The following AGBL3 variants were observed in gnomAD, a reference collection of about 807,000 sequenced individuals.
AGBL3 encodes AGBL carboxypeptidase 3.
AGBL3 carries 68 observed loss-of-function variants against 94.5 expected under a neutral mutation model. The observed-to-expected ratio is 0.72, with a 90% CI of 0.59 to 0.88. AGBL3 has a LOEUF of 0.88. AGBL3 is among the 40% of genes least tolerant of loss of function. AGBL3 has a pLI of 0.00. For synonymous variants in AGBL3, 354 were observed against 370.7 expected, an observed-to-expected ratio of 0.95 and a Z score of 0.52; for missense variants, 934 against 1,103.8, an observed-to-expected ratio of 0.85 and a Z score of 2.18.
At chr7:135,114,122 C>A (rs1585195277) in intron 15 of AGBL3, among the ~76,000 whole-genome samples, 1 of 152,348 alleles carries the variant, frequency 6.6e-6, no homozygotes, top group East Asian at 1.9e-4. Context: ...GTGTTGCTTA[C>A]ACTGTTGGCT....
chr7:135,026,083 C>T (rs1328714733), intron 5 of AGBL3, among the ~76,000 whole-genome samples: 1 of 151,216 alleles, frequency 6.6e-6, no homozygotes, highest in Non-Finnish European at 1.5e-5. Context: ...ATAGAACACC[C>T]AGCAACCACA....
intron 16 of AGBL3, chr7:135,128,638 C>T: frequency 1.1e-6 from 1 of 870,758 alleles, no homozygotes; most frequent in Non-Finnish European, 1.9e-6. Flanking sequence ...ATCCCGTTTG[C>T]CTGGATGCAA....
chr7:135,061,480 A>G (rs1818835639), intron 12 of AGBL3, among the ~76,000 whole-genome samples: 1 of 152,090 alleles, frequency 6.6e-6, no homozygotes, highest in Admixed American at 6.6e-5. Flanking sequence ...AATGTCATCG[A>G]GCCTTTCCCC....
rs1442341941 is a variant in AGBL3, at chr7:134,986,586, C to G, written c.-175C>G. On this transcript the variant is annotated 5_prime_UTR_variant, in exon 1 of 17. Coordinates refer to ENST00000436302, the MANE Select transcript of AGBL3 (RefSeq NM_178563.4). ...TGGCGTTACTTCTAGCGGCTGGATA[C>G]CGGGTTCTCCGCGAGATCGCGAGAT... 2 of 92,316 alleles carry G rather than the reference C, an allele frequency of 2.2e-5. No homozygotes were observed. Among genetic ancestry groups the G allele is most frequent in the Non-Finnish European group, 4.3e-5 (2 of 46,092 alleles). The allele number at this position is 92,316 out of a possible 1,614,324, so 5.7% of individuals were successfully genotyped here. A position where few individuals can be genotyped will look rare whatever the true frequency, so the allele number is the denominator to read the frequency against.
At chr7:135,071,619 C>G (rs566486112) in intron 12 of AGBL3, among the ~76,000 whole-genome samples, 3 of 152,288 alleles carry the variant, frequency 2.0e-5, no homozygotes, top group South Asian at 4.1e-4. Context: ...ATAACTACAA[C>G]TATCTGATCT....
chr7:135,045,518 A>G lies in AGBL3; in HGVS notation c.1672A>G (p.Met558Val). 6.4e-7 allele frequency: 1 copy of G among 1,551,226 alleles called. No individual in the cohort carries two copies. ...TTTCAGCACGAAAGACCTGGAATCA[A>G]TGGGATATCATTTTTGTGATTCTCT... ...THFSTKDLES[M>V]GYHFCDSLLD... The change falls in exon 10 of 17, where the codon ATG (methionine) becomes GTG (valine). Residue 558 changes from methionine to valine, a missense_variant. Met to Val is a conservative substitution (Grantham distance 21). Around this residue, in one of 3 missense-constraint regions of AGBL3, gnomAD observed 441 missense variants for 518.2 expected, o/e 0.85. Transcript: ENST00000436302.
intron 15 of AGBL3, among the ~76,000 whole-genome samples, chr7:135,113,795 C>A (rs1295102180): frequency 6.6e-6 from 1 of 152,190 alleles, no homozygotes; most frequent in Non-Finnish European, 1.5e-5. Flanking sequence ...AACTTTATGC[C>A]TATTCCTCTG....
chr7:135,038,908 G>A (rs1019474646), intron 8 of AGBL3, among the ~76,000 whole-genome samples: 7 of 151,582 alleles, frequency 4.6e-5, no homozygotes, highest in African/African-American at 7.3e-5. Flanking sequence ...GCAGTGAGCC[G>A]AGATGGCGCC....
In AGBL3 at chr7:135,080,946, A is replaced by ACG. The variant is rs563387978; in HGVS notation, c.2038+687_2038+688insGC. Among the ~76,000 whole-genome samples, 448 of 151,104 alleles carry ACG rather than the reference A, an allele frequency of 3.0e-3. 2 individuals carry two copies. Among genetic ancestry groups the ACG allele is most frequent in the Middle Eastern group, 0.014 (4 of 294 alleles). On this transcript the variant is annotated intron_variant, in intron 14 of 16. Transcript: ENST00000436302. The stretch of plus-strand genomic sequence containing the variant: ...AGGATTTGAGGTAACCTAATTACAC[A>ACG]CACACACACACACTCATATATCCAT...
chr7:135,095,207 C>T (rs10272043), intron 15 of AGBL3, among the ~76,000 whole-genome samples: 73,697 of 151,920 alleles, frequency 0.49, 18,240 homozygotes, highest in South Asian at 0.66. Flanking sequence ...AGCTAAGAAA[C>T]ACTTATTAAG....
chr7:135,047,398 G>A (rs866745025), intron 11 of AGBL3, among the ~76,000 whole-genome samples: 37 of 152,062 alleles, frequency 2.4e-4, no homozygotes, highest in African/African-American at 8.4e-4. Context: ...ATACCCAGAA[G>A]TAAGACTGCT....
intron 16 of AGBL3, among the ~76,000 whole-genome samples, chr7:135,130,269 GC>G (rs1358517867): frequency 1.3e-5 from 2 of 152,158 alleles, no homozygotes; most frequent in Non-Finnish European, 2.9e-5. Context: ...ATTTTGACCT[GC>G]TTTTCAGAAT....
chr7:135,120,256 A>G (rs907932772), intron 16 of AGBL3, among the ~76,000 whole-genome samples: 1 of 152,228 alleles, frequency 6.6e-6, no homozygotes, highest in Non-Finnish European at 1.5e-5. Flanking sequence ...TTGATGGTTG[A>G]AGCAAAAATT....
chr7:135,006,529 T>A (rs910988627), intron 4 of AGBL3, among the ~76,000 whole-genome samples: 5 of 151,926 alleles, frequency 3.3e-5, no homozygotes, highest in African/African-American at 1.2e-4. Flanking sequence ...GTGGACTAAC[T>A]TGAACAACTA....
intron 4 of AGBL3, among the ~76,000 whole-genome samples, chr7:134,996,619 A>G (rs1811048451): frequency 6.6e-6 from 1 of 152,228 alleles, no homozygotes; most frequent in South Asian, 2.1e-4. Context: ...AAACTGGTAC[A>G]TCAGATTTCA....
intron 4 of AGBL3, chr7:135,012,276 G>A (rs915325890): frequency 6.6e-6 from 1 of 152,020 alleles, no homozygotes; most frequent in Non-Finnish European, 1.5e-5. Flanking sequence ...ATGCTTAGGT[G>A]GTAAAATTAT....
At chr7:135,096,383 G>A (rs1352906372) in intron 15 of AGBL3, among the ~76,000 whole-genome samples, 1 of 143,618 alleles carries the variant, frequency 7.0e-6, no homozygotes, top group Non-Finnish European at 1.5e-5. Flanking sequence ...GACAGACAGA[G>A]AAGGAAGGAA....
chr7:135,018,377 T>C (rs1300751779), intron 5 of AGBL3, among the ~76,000 whole-genome samples: 7 of 152,250 alleles, frequency 4.6e-5, no homozygotes, highest in African/African-American at 7.2e-5. Flanking sequence ...GTGCCTCCCA[T>C]TGTCCACAGC....
chr7:135,133,748 T>A (rs759827130), intron 16 of AGBL3, among the ~76,000 whole-genome samples: 70 of 152,226 alleles, frequency 4.6e-4, no homozygotes, highest in South Asian at 1.0e-3. Flanking sequence ...TAAACTTACA[T>A]CTTATACAAA....
Sources: gnomAD v4.1 joint callset for allele counts (sites outside exome capture counted in the v4.1 genomes callset) on GRCh38, gnomAD v4.1.1 for gene constraint, gnomAD v4.1.1 regional missense constraint, MANE v1.5 for transcripts, NCBI Gene and HGNC (gene_info 2026-07-23, HGNC 2026-07-21) for gene names.